The following PAK5 variants were observed in gnomAD, a reference collection of about 807,000 sequenced individuals.
PAK5 encodes the protein p21 (RAC1) activated kinase 5, also known as serine/threonine-protein kinase PAK 5.
PAK5 carries 16 observed loss-of-function variants against 65.9 expected under a neutral mutation model. The ratio of observed to expected loss-of-function variants is 0.24; its 90% confidence interval spans 0.16 to 0.37. The LOEUF is 0.37. PAK5 is among the 10% of genes least tolerant of loss of function. The probability of loss-of-function intolerance (pLI) is 1.00; values close to 1 mark genes in which losing one functional copy is unlikely to be tolerated. For synonymous variants in PAK5, 371 were observed against 354.9 expected (o/e 1.05, Z -0.51); for missense variants, 785 against 903.9 (o/e 0.87, Z 1.69).
chr20:9,569,059 A>G (rs888829240), intron 4 of PAK5, among the ~76,000 whole-genome samples: 28 of 152,226 alleles, frequency 1.8e-4, no homozygotes, highest in Admixed American at 1.4e-3. Context: ...CCAATCAATC[A>G]GCTAAGCCCT....
At chr20:9,675,534 A>T (rs1413795372) in intron 2 of PAK5, among the ~76,000 whole-genome samples, 1 of 152,114 alleles carries the variant, frequency 6.6e-6, no homozygotes, top group African/African-American at 2.4e-5. Context: ...TTAGAGATGG[A>T]GTCTCTCTCT....
intron 2 of PAK5, among the ~76,000 whole-genome samples, chr20:9,668,487 G>C (rs770757968): frequency 6.6e-6 from 1 of 152,172 alleles, no homozygotes; most frequent in Non-Finnish European, 1.5e-5. Flanking sequence ...TGAAGGCTGA[G>C]TCATCCACTC....
At chr20:9,550,307 T>C (rs1231158197) in intron 7 of PAK5, among the ~76,000 whole-genome samples, 1 of 152,156 alleles carries the variant, frequency 6.6e-6, no homozygotes, top group East Asian at 1.9e-4. Context: ...GGTGAGCCCC[T>C]GGACAGCCCA....
At chr20:9,826,961 C>T (rs1978330728) in intron 1 of PAK5, among the ~76,000 whole-genome samples, 1 of 152,178 alleles carries the variant, frequency 6.6e-6, no homozygotes, top group Non-Finnish European at 1.5e-5. Flanking sequence ...GGGAGGCCGG[C>T]TCTCAGCTTA....
intron 1 of PAK5, among the ~76,000 whole-genome samples, chr20:9,736,675 T>C (rs1165294028): frequency 1.3e-5 from 2 of 152,164 alleles, no homozygotes; most frequent in East Asian, 3.9e-4. Flanking sequence ...ATACCATCTT[T>C]AGAAGGCAAC....
intron 3 of PAK5, among the ~76,000 whole-genome samples, chr20:9,595,112 TATACATATATATAG>T (rs1423897804): frequency 6.6e-6 from 1 of 150,398 alleles, no homozygotes; most frequent in East Asian, 1.9e-4. Flanking sequence ...TATATACACA[TATACATATATATAG>T]AGAGAGAGAG....
At chr20:9,798,377 A>T (rs2049130006) in intron 1 of PAK5, among the ~76,000 whole-genome samples, 1 of 152,164 alleles carries the variant, frequency 6.6e-6, no homozygotes, top group Non-Finnish European at 1.5e-5. Context: ...AAACTACTGA[A>T]TGTAGAGGTT....
chr20:9,606,573 G>C (rs2046458650), intron 3 of PAK5, among the ~76,000 whole-genome samples: 2 of 152,106 alleles, frequency 1.3e-5, no homozygotes, highest in Admixed American at 1.3e-4. Flanking sequence ...TCATAATGTT[G>C]AGTGAAAGAA....
chr20:9,762,016 G>C (rs1177568135), intron 1 of PAK5, among the ~76,000 whole-genome samples: 1 of 152,114 alleles, frequency 6.6e-6, no homozygotes, highest in African/African-American at 2.4e-5. Context: ...AAAGGGGAAT[G>C]AACAGCCTCT....
chr20:9,828,853 C>CCCCTTCTCT (rs1363103934), intron 1 of PAK5, among the ~76,000 whole-genome samples: 1 of 152,138 alleles, frequency 6.6e-6, no homozygotes. Context: ...TTTTCTCTTT[C>CCCCTTCTCT]CCCTTCTCTC....
At chr20:9,560,420 C>T (rs747055129) in intron 6 of PAK5, among the ~76,000 whole-genome samples, 8 of 152,146 alleles carry the variant, frequency 5.3e-5, no homozygotes, top group East Asian at 1.9e-4. Flanking sequence ...AGTGTAACGG[C>T]GCAATCAGAG....
chr20:9,815,060 A>C (rs1321038562), intron 1 of PAK5, among the ~76,000 whole-genome samples: 1 of 152,094 alleles, frequency 6.6e-6, no homozygotes, highest in Non-Finnish European at 1.5e-5. Flanking sequence ...GGGGAAGCAA[A>C]AGAGAAAGGA....
intron 1 of PAK5, among the ~76,000 whole-genome samples, chr20:9,816,250 A>G (rs1351169714): frequency 6.6e-6 from 1 of 152,170 alleles, no homozygotes; most frequent in Admixed American, 6.5e-5. Flanking sequence ...TATTAAAATT[A>G]AATACAGGAA....
At chr20:9,748,596 T>C (rs1003293680) in intron 1 of PAK5, among the ~76,000 whole-genome samples, 5 of 152,150 alleles carry the variant, frequency 3.3e-5, no homozygotes, top group African/African-American at 7.2e-5. Flanking sequence ...CAAATTGACA[T>C]ATGGCTTACT....
Position 9,738,485 on chromosome 20 carries a change from A to T in PAK5, c.-161-27050T>A, listed in dbSNP as rs2048416097. 2.6e-5 allele frequency among the ~76,000 whole-genome samples: 4 copies of T among 152,334 alleles called. No individual in the cohort carries two copies. In the South Asian group the frequency reaches 8.3e-4, roughly 32 times the overall value. On this transcript the variant is annotated intron_variant, in intron 1 of 9. Coordinates refer to ENST00000353224, the MANE Select transcript of PAK5 (RefSeq NM_177990.4). ...ATACTATAGAGTACTGTTTAACAAT[A>T]AATAGAATAAAATATTGACACATGC...
chr20:9,584,315 TTTTA>T (rs1023461371), intron 3 of PAK5, among the ~76,000 whole-genome samples: 3 of 152,146 alleles, frequency 2.0e-5, no homozygotes, highest in Non-Finnish European at 4.4e-5. Context: ...TTTTATTTTA[TTTTA>T]TTTTATTTTT....
intron 1 of PAK5, among the ~76,000 whole-genome samples, chr20:9,732,552 G>T (rs967932412): frequency 1.3e-5 from 2 of 152,100 alleles, no homozygotes; most frequent in Non-Finnish European, 2.9e-5. Flanking sequence ...TTACTGCCAG[G>T]TCTTTGTGAT....
At chr20:9,613,484 C>T (rs2046601554) in intron 3 of PAK5, among the ~76,000 whole-genome samples, 1 of 152,164 alleles carries the variant, frequency 6.6e-6, no homozygotes, top group Non-Finnish European at 1.5e-5. Context: ...TCTGAGGGGG[C>T]ACCCACCCTT....
At chr20:9,820,638 C>T (rs1035608774) in intron 1 of PAK5, among the ~76,000 whole-genome samples, 14 of 152,178 alleles carry the variant, frequency 9.2e-5, no homozygotes, top group African/African-American at 1.2e-4. Context: ...TTCCTTCCTG[C>T]CTCTTCCAGT....
Sources: allele counts gnomAD v4.1 joint callset (sites outside exome capture counted in the v4.1 genomes callset), GRCh38; gene constraint gnomAD v4.1.1; transcripts MANE v1.5; gene names NCBI Gene and HGNC (gene_info 2026-07-23, HGNC 2026-07-21).